Variants in FGD4 observed in about 807,000 individuals in gnomAD.
FGD4 encodes FYVE, RhoGEF and PH domain-containing protein 4.
FGD4 carries 42 observed loss-of-function variants against 102.0 expected under a neutral mutation model. The observed-to-expected ratio is 0.41, with a 90% CI of 0.32 to 0.53. FGD4 has a LOEUF of 0.53. Among genes scored for constraint, FGD4 ranks in the 20% least tolerant of loss-of-function variants. The probability of loss-of-function intolerance (pLI) is 0.21; values close to 1 mark genes in which losing one functional copy is unlikely to be tolerated. For missense variants in FGD4, 902 were observed against 1,078.2 expected, an observed-to-expected ratio of 0.84 and a Z score of 2.29; for synonymous variants, 380 against 375.7, an observed-to-expected ratio of 1.01 and a Z score of -0.13.
chr12:32,441,308 C>T (rs1942427759), intron 1 of FGD4, among the ~76,000 whole-genome samples: 1 of 152,092 alleles, frequency 6.6e-6, no homozygotes, highest in Non-Finnish European at 1.5e-5. Context: ...AGTGTAGTAC[C>T]TGGGTATCTC....
Position 32,467,269 on chromosome 12 carries a change from C to G in FGD4, c.166+67310C>G, listed in dbSNP as rs554405214. The stretch of plus-strand genomic sequence containing the variant: ...CATTTTGAGCCTGGAATATATGTTA[C>G]TATACACGGTGCAATAAGGGCCTTA... On this transcript the variant is annotated intron_variant, in intron 1 of 16. Transcript: ENST00000534526. Among the ~76,000 whole-genome samples, 12 of 152,172 alleles carry G rather than the reference C, an allele frequency of 7.9e-5. No homozygotes were observed. In the East Asian group the frequency reaches 2.3e-3, roughly 29 times the overall value.
chr12:32,566,688 T>G (rs11052078), intron 2 of FGD4, among the ~76,000 whole-genome samples: 41,925 of 152,122 alleles, frequency 0.28, 7,711 homozygotes, highest in African/African-American at 0.52. Context: ...TAATGAGTGT[T>G]TCTTACTCTT....
intron 1 of FGD4, among the ~76,000 whole-genome samples, chr12:32,446,458 G>A (rs1024632173): frequency 1.3e-5 from 2 of 152,130 alleles, no homozygotes; most frequent in Non-Finnish European, 2.9e-5. Context: ...CACGGTCGAG[G>A]GGTACTTAGC....
intron 2 of FGD4, among the ~76,000 whole-genome samples, chr12:32,567,230 A>C (rs1945259145): frequency 6.6e-6 from 1 of 152,178 alleles, no homozygotes; most frequent in Non-Finnish European, 1.5e-5. Context: ...TGTTATTTTC[A>C]TACTTTGTGT....
At chr12:32,465,193 T>C (rs889887456) in intron 1 of FGD4, among the ~76,000 whole-genome samples, 2 of 152,058 alleles carry the variant, frequency 1.3e-5, no homozygotes, top group Non-Finnish European at 2.9e-5. Flanking sequence ...AAATTTAATT[T>C]ACTAATAGCC....
intron 10 of FGD4, among the ~76,000 whole-genome samples, chr12:32,616,110 T>C (rs1460237676): frequency 6.6e-6 from 1 of 152,202 alleles, no homozygotes; most frequent in Non-Finnish European, 1.5e-5. Flanking sequence ...TTCCTCTGTC[T>C]TTGCCTTTCA....
intron 4 of FGD4, among the ~76,000 whole-genome samples, chr12:32,588,338 A>C (rs900499721): frequency 6.6e-6 from 1 of 152,218 alleles, no homozygotes; most frequent in African/African-American, 2.4e-5. Context: ...TACAGTTGAG[A>C]TGGAGAGTTA....
rs774108639 is a variant in FGD4 at position 32,602,269 on chromosome 12, C to T, written c.1356C>T (p.Asn452=). ...GFDNAMELVK[N]MTERIPQFKS... Reference sequence around the variant, plus strand: ...ATAATGCAATGGAATTGGTTAAAAACATGACAGAACGTATTCCCCAGTTCA... The same window carrying T: ...ATAATGCAATGGAATTGGTTAAAAATATGACAGAACGTATTCCCCAGTTCA... The change falls in exon 7 of 17, where the codon AAC becomes AAT. Residue 452 remains asparagine (N), a synonymous_variant. Coordinates refer to ENST00000534526, the MANE Select transcript of FGD4 (RefSeq NM_001370298.3). 1.2e-6 allele frequency: 2 copies of T among 1,614,142 alleles called. No homozygotes were observed. The highest frequency in any genetic ancestry group is 1.7e-6 in the Non-Finnish European group (2 of 1,180,008).
intron 1 of FGD4, among the ~76,000 whole-genome samples, chr12:32,428,447 G>A (rs954838219): frequency 6.6e-6 from 1 of 152,104 alleles, no homozygotes; most frequent in Non-Finnish European, 1.5e-5. Flanking sequence ...TTAGTCTGAT[G>A]GGCTTTCCTT....
At chr12:32,412,942 G>A (rs1024098276) in intron 1 of FGD4, among the ~76,000 whole-genome samples, 3 of 126,144 alleles carry the variant, frequency 2.4e-5, no homozygotes, top group Admixed American at 9.0e-5. Context: ...CAGCCATGGT[G>A]GTGCATGCCT....
chr12:32,426,392 G>C (rs1283159646), intron 1 of FGD4, among the ~76,000 whole-genome samples: 9 of 152,128 alleles, frequency 5.9e-5, no homozygotes, highest in African/African-American at 2.2e-4. Context: ...GTTGAACCAG[G>C]CTTGCATCCC....
At chr12:32,401,621 G>A (rs914838459) in intron 1 of FGD4, among the ~76,000 whole-genome samples, 6 of 151,958 alleles carry the variant, frequency 3.9e-5, no homozygotes, top group African/African-American at 1.5e-4. Flanking sequence ...AACCCATTGA[G>A]TAGGGGAAAA....
At chr12:32,629,915 G>A (rs1016300016) in intron 14 of FGD4, among the ~76,000 whole-genome samples, 27 of 152,264 alleles carry the variant, frequency 1.8e-4, no homozygotes, top group African/African-American at 5.5e-4. Context: ...TCTAGTTCCT[G>A]GAGCCTTGCT....
chr12:32,474,341 C>A (rs1435329989), intron 1 of FGD4, among the ~76,000 whole-genome samples: 1 of 152,110 alleles, frequency 6.6e-6, no homozygotes, highest in Non-Finnish European at 1.5e-5. Context: ...AAGGTGGAAA[C>A]AACTCAAATG....
chr12:32,596,739 C>T (rs1461673055), intron 4 of FGD4, among the ~76,000 whole-genome samples: 1 of 151,804 alleles, frequency 6.6e-6, no homozygotes, highest in African/African-American at 2.4e-5. Context: ...AGTTCAAGAC[C>T]AGCCTGACCA....
intron 1 of FGD4, among the ~76,000 whole-genome samples, chr12:32,540,103 C>T (rs777016040): frequency 1.5e-4 from 23 of 152,078 alleles, no homozygotes; most frequent in Non-Finnish European, 2.1e-4. Flanking sequence ...CATTTTGATA[C>T]AGAATGGTAA....
chr12:32,553,438 A>G (rs1943863475), intron 1 of FGD4, among the ~76,000 whole-genome samples: 1 of 152,224 alleles, frequency 6.6e-6, no homozygotes, highest in South Asian at 2.1e-4. Flanking sequence ...TTTGGGGAAA[A>G]CAAAATATTT....
chr12:32,457,464 C>T (rs936192653), intron 1 of FGD4, among the ~76,000 whole-genome samples: 7 of 152,196 alleles, frequency 4.6e-5, no homozygotes, highest in Non-Finnish European at 8.8e-5. Flanking sequence ...TTATCTTATG[C>T]ATGCCACAAG....
intron 1 of FGD4, among the ~76,000 whole-genome samples, chr12:32,438,997 A>G (rs1052887953): frequency 6.6e-6 from 1 of 152,206 alleles, no homozygotes; most frequent in African/African-American, 2.4e-5. Flanking sequence ...TAATTAACAT[A>G]TGTATTACCT....
Sources: allele counts gnomAD v4.1 joint callset (sites outside exome capture counted in the v4.1 genomes callset), GRCh38; gene constraint gnomAD v4.1.1; transcripts MANE v1.5; gene names NCBI Gene and HGNC (gene_info 2026-07-23, HGNC 2026-07-21).